Variants in CNTNAP2 observed in about 807,000 individuals in gnomAD.
CNTNAP2 encodes contactin associated protein 2.
Under a neutral mutation model 155.2 loss-of-function variants are expected in CNTNAP2, and 98 were observed. The ratio of observed to expected loss-of-function variants is 0.63; its 90% CI spans 0.54 to 0.75. The LOEUF (loss-of-function observed/expected upper bound fraction) is 0.75, where lower values mean the gene tolerates loss of function less well. Ranked by LOEUF, CNTNAP2 falls within the 30% of genes least tolerant of loss-of-function variation. CNTNAP2 has a pLI of 0.00. For missense variants in CNTNAP2, 1,727 were observed against 1,688.1 expected (o/e 1.02, Z -0.40); for synonymous variants, 651 against 631.2 (o/e 1.03, Z -0.47).
In CNTNAP2 at chr7:146,908,115, T is replaced by G. The variant is rs1256822941; in HGVS notation, c.402+68211T>G. 2.6e-5 allele frequency among the ~76,000 whole-genome samples: 4 copies of G among 152,066 alleles called. No homozygotes were observed. In the East Asian group the frequency reaches 5.8e-4, roughly 22 times the overall value. On this transcript the variant is annotated intron_variant, in intron 3 of 23. Coordinates refer to ENST00000361727, the MANE Select transcript of CNTNAP2 (RefSeq NM_014141.6). ...AGAAGAGCTAACTATCCTAAATATA[T>G]ATGCACCCAATACAGGAGCACCCAG...
intron 10 of CNTNAP2, among the ~76,000 whole-genome samples, chr7:147,477,532 C>T (rs551256196): frequency 6.6e-6 from 1 of 152,164 alleles, no homozygotes; most frequent in Non-Finnish European, 1.5e-5. Context: ...GTCTATCCTG[C>T]ACCTATTACT....
At chr7:146,980,913 A>T (rs1798003715) in intron 3 of CNTNAP2, among the ~76,000 whole-genome samples, 1 of 152,120 alleles carries the variant, frequency 6.6e-6, no homozygotes, top group Non-Finnish European at 1.5e-5. Context: ...ACATTCAGCT[A>T]CTGAGTGTGG....
chr7:147,696,224 G>GT (rs1241442704), intron 13 of CNTNAP2, among the ~76,000 whole-genome samples: 1 of 152,076 alleles, frequency 6.6e-6, no homozygotes, highest in African/African-American at 2.4e-5. Context: ...CTTGGGTTTG[G>GT]TTTTGATTTT....
intron 13 of CNTNAP2, among the ~76,000 whole-genome samples, chr7:147,888,213 A>AT (rs34053397): frequency 0.57 from 86,533 of 151,934 alleles, 25,236 homozygotes; most frequent in African/African-American, 0.69. Context: ...ATTGAAAAAA[A>AT]TTTTAAAGAG....
intron 14 of CNTNAP2, among the ~76,000 whole-genome samples, chr7:147,925,156 AAG>A (rs553790667): frequency 0.039 from 2,359 of 60,630 alleles, 26 homozygotes; most frequent in African/African-American, 0.084. Context: ...AGAGAGAGAG[AAG>A]GAAGGAAGGA....
At chr7:146,240,836 TG>T in intron 1 of CNTNAP2, among the ~76,000 whole-genome samples, 1 of 152,224 alleles carries the variant, frequency 6.6e-6, no homozygotes, top group East Asian at 1.9e-4. Context: ...TATAAATATC[TG>T]AGACTGTGTA....
intron 1 of CNTNAP2, among the ~76,000 whole-genome samples, chr7:146,600,921 C>T (rs1798941003): frequency 6.6e-6 from 1 of 152,016 alleles, no homozygotes; most frequent in Non-Finnish European, 1.5e-5. Flanking sequence ...TAATAATATT[C>T]TAGGGTTTCA....
At chr7:146,240,228 G>A (rs1471825853) in intron 1 of CNTNAP2, among the ~76,000 whole-genome samples, 4 of 152,226 alleles carry the variant, frequency 2.6e-5, no homozygotes, top group Non-Finnish European at 5.9e-5. Flanking sequence ...CTGGATAACA[G>A]TGCATCGACC....
chr7:147,167,744 C>A (rs1228534954), intron 8 of CNTNAP2, among the ~76,000 whole-genome samples: 1 of 152,036 alleles, frequency 6.6e-6, no homozygotes, highest in African/African-American at 2.4e-5. Context: ...GTGAATGTGG[C>A]AGTTTGAAAA....
chr7:148,172,964 A>G (rs1794852613), intron 18 of CNTNAP2, among the ~76,000 whole-genome samples: 1 of 152,198 alleles, frequency 6.6e-6, no homozygotes, highest in Non-Finnish European at 1.5e-5. Flanking sequence ...CTGGTCAGTC[A>G]TTAACATCAT....
intron 3 of CNTNAP2, among the ~76,000 whole-genome samples, chr7:147,023,397 A>G (rs1195929640): frequency 6.6e-6 from 1 of 152,154 alleles, no homozygotes; most frequent in African/African-American, 2.4e-5. Flanking sequence ...TTACAGTTTC[A>G]CCTTTCTTTG....
chr7:147,610,654 A>G (rs1190969977), intron 12 of CNTNAP2, among the ~76,000 whole-genome samples: 1 of 152,136 alleles, frequency 6.6e-6, no homozygotes, highest in Admixed American at 6.6e-5. Context: ...GAGCTAGCCC[A>G]GGGGAGTTTT....
intron 9 of CNTNAP2, among the ~76,000 whole-genome samples, chr7:147,381,328 C>T (rs564794702): frequency 3.3e-5 from 5 of 152,116 alleles, no homozygotes; most frequent in African/African-American, 7.2e-5. Flanking sequence ...TTCCAACCAC[C>T]GGCATTGTAT....
At chr7:147,805,085 T>C (rs548780435) in intron 13 of CNTNAP2, among the ~76,000 whole-genome samples, 1 of 152,052 alleles carries the variant, frequency 6.6e-6, no homozygotes, top group East Asian at 1.9e-4. Flanking sequence ...ATTTTTTTTT[T>C]TTTGAGACGG....
chr7:146,145,163 A>T (rs1797940064), intron 1 of CNTNAP2, among the ~76,000 whole-genome samples: 1 of 152,164 alleles, frequency 6.6e-6, no homozygotes. Flanking sequence ...ATTTTTCGTG[A>T]TTGAAAGAAA....
intron 9 of CNTNAP2, among the ~76,000 whole-genome samples, chr7:147,302,683 CAG>C (rs1055975845): frequency 5.3e-5 from 8 of 152,176 alleles, no homozygotes; most frequent in African/African-American, 1.9e-4. Flanking sequence ...GTCTGAGAAA[CAG>C]AATTATAGAT....
intron 3 of CNTNAP2, among the ~76,000 whole-genome samples, chr7:146,943,272 A>G (rs180929269): frequency 6.6e-6 from 1 of 152,202 alleles, no homozygotes; most frequent in Non-Finnish European, 1.5e-5. Context: ...CAGGTGGTTC[A>G]CCTGAGATCA....
chr7:147,235,715 C>T lies in CNTNAP2; in HGVS notation c.1349-64426C>T, dbSNP rs75855416. Among the ~76,000 whole-genome samples the T allele has an allele frequency of 5.1e-3, 769 of 152,254 alleles. 12 individuals are homozygous for T. Among genetic ancestry groups the T allele is most frequent in the African/African-American group, 0.017 (697 of 41,558 alleles). Reference sequence around the variant, plus strand: ...CTTCCAGCAGGTGTCTGTGTCCTTTCATTATGGTGCTATCATTTCGTGAGT... The same window carrying T: ...CTTCCAGCAGGTGTCTGTGTCCTTTTATTATGGTGCTATCATTTCGTGAGT... On this transcript the variant is annotated intron_variant, in intron 8 of 23. Transcript: ENST00000361727.
intron 13 of CNTNAP2, among the ~76,000 whole-genome samples, chr7:147,830,003 G>A (rs1331309407): frequency 6.6e-6 from 1 of 151,700 alleles, no homozygotes; most frequent in Admixed American, 6.6e-5. Flanking sequence ...TCCAGAAGTG[G>A]ATCTCCATAG....
Sources: gnomAD v4.1 joint callset for allele counts (sites outside exome capture counted in the v4.1 genomes callset) on GRCh38, gnomAD v4.1.1 for gene constraint, MANE v1.5 for transcripts, NCBI Gene and HGNC (gene_info 2026-07-23, HGNC 2026-07-21) for gene names.